TPRG1: variants seen among roughly 807,000 people sequenced by gnomAD.
TPRG1 encodes the protein tumor protein p63 regulated 1.
A neutral mutation model predicts 29.3 loss-of-function variants in TPRG1; 29 were observed. The observed-to-expected ratio is 0.99, with a 90% CI of 0.74 to 1.35. The LOEUF (loss-of-function observed/expected upper bound fraction) is 1.35. Ranked by LOEUF, TPRG1 falls within the 40% of genes most tolerant of loss-of-function variation. TPRG1 has a pLI of 0.00. For missense variants in TPRG1, 327 were observed against 335.0 expected (o/e 0.98, Z 0.19); for synonymous variants, 130 against 116.8 (o/e 1.11, Z -0.73).
At chr3:189,019,329 T>C (rs1713152179) in intron 3 of TPRG1, among the ~76,000 whole-genome samples, 1 of 152,172 alleles carries the variant, frequency 6.6e-6, no homozygotes, top group South Asian at 2.1e-4. Flanking sequence ...AGGGAATGCT[T>C]CCAGTTTTTG....
At chr3:189,194,917 G>T (rs1156443996) in intron 1 of TPRG1, among the ~76,000 whole-genome samples, 1 of 152,116 alleles carries the variant, frequency 6.6e-6, no homozygotes, top group Non-Finnish European at 1.5e-5. Context: ...GAAGAGGGGT[G>T]TCTCAGCAGC....
intron 1 of TPRG1, among the ~76,000 whole-genome samples, chr3:189,179,394 G>C (rs901643682): frequency 1.3e-5 from 2 of 152,150 alleles, no homozygotes; most frequent in Non-Finnish European, 2.9e-5. Context: ...ACTTCCTAGA[G>C]TGACATATAA....
chr3:189,171,182 T>A (rs1728772235), upstream of TPRG1, among the ~76,000 whole-genome samples: 1 of 152,236 alleles, frequency 6.6e-6, no homozygotes, highest in Non-Finnish European at 1.5e-5. Flanking sequence ...TCAAATCTTA[T>A]CCTAGGTTTA....
intron 1 of TPRG1, among the ~76,000 whole-genome samples, chr3:189,180,149 C>T (rs1055434636): frequency 2.6e-5 from 4 of 152,036 alleles, no homozygotes; most frequent in Admixed American, 1.3e-4. Flanking sequence ...AAAGAGTTGC[C>T]CCATGATTCA....
intron 3 of TPRG1, among the ~76,000 whole-genome samples, chr3:189,136,646 C>T (rs1723780646): frequency 6.6e-6 from 1 of 152,134 alleles, no homozygotes; most frequent in Non-Finnish European, 1.5e-5. Context: ...GGCAAGAAAA[C>T]AGCTAGGTCT....
chr3:189,042,200 A>G (rs1023689493), intron 4 of TPRG1, among the ~76,000 whole-genome samples: 1 of 152,230 alleles, frequency 6.6e-6, no homozygotes, highest in Non-Finnish European at 1.5e-5. Flanking sequence ...TTAAAAAGTC[A>G]AAGAAAGATA....
At chr3:189,018,612 C>A (rs1175452495) in intron 3 of TPRG1, among the ~76,000 whole-genome samples, 2 of 147,096 alleles carry the variant, frequency 1.4e-5, no homozygotes, top group Non-Finnish European at 3.0e-5. Flanking sequence ...GTACCAGTAC[C>A]ATGCTGTTTT....
chr3:189,286,134 T>C (rs1718022355), intron 4 of TPRG1, among the ~76,000 whole-genome samples: 1 of 152,060 alleles, frequency 6.6e-6, no homozygotes, highest in Non-Finnish European at 1.5e-5. Context: ...GTTTCAGCCT[T>C]AAATTTGCTG....
chr3:189,190,762 A>G (rs1328510258), intron 1 of TPRG1, among the ~76,000 whole-genome samples: 1 of 152,224 alleles, frequency 6.6e-6, no homozygotes, highest in Non-Finnish European at 1.5e-5. Flanking sequence ...GTATGATTAC[A>G]ACATACATGT....
chr3:189,287,561 C>G (rs1718282140), intron 4 of TPRG1, among the ~76,000 whole-genome samples: 1 of 152,030 alleles, frequency 6.6e-6, no homozygotes, highest in African/African-American at 2.4e-5. Flanking sequence ...CCACACCTGG[C>G]TAATTTTTTG....
rs12638731 is a variant in TPRG1, at chr3:189,305,270, G to A, written c.480-5116G>A. ...TCTCTCTGAAGAAAGAAGAATGCAC[G>A]GAATGAGTATATTAACTCAGACTGA... is the stretch of plus-strand genomic sequence containing the variant. On this transcript the variant is annotated intron_variant, in intron 4 of 5. Transcript: ENST00000345063. 1.3e-3 allele frequency among the ~76,000 whole-genome samples: 204 copies of A among 152,246 alleles called. 1 individual carries two copies. In the East Asian group the frequency reaches 0.028, roughly 21 times the overall value.
intron 4 of TPRG1, among the ~76,000 whole-genome samples, chr3:189,040,401 G>A (rs1041934430): frequency 6.6e-6 from 1 of 152,146 alleles, no homozygotes; most frequent in Non-Finnish European, 1.5e-5. Context: ...TTGCCAAAAT[G>A]TTTGTTTCCC....
chr3:189,054,326 C>A (rs188539034), intron 4 of TPRG1, among the ~76,000 whole-genome samples: 81 of 151,752 alleles, frequency 5.3e-4, no homozygotes, highest in Non-Finnish European at 6.6e-4. Context: ...GTTTGTGGCA[C>A]CCCAAAACAA....
Position 189,321,139 on chromosome 3 carries a change from A to T in TPRG1, c.*319A>T. On this transcript the variant is annotated 3_prime_UTR_variant, in exon 6 of 6. Transcript: ENST00000345063. ...AAGTCCTGTTGCTTCAGCTCTCTAA[A>T]TGTAGGCTTTTTTTTTTTTTTTTTT... The T allele has an allele frequency of 5.4e-6, 1 of 184,422 alleles. No homozygotes were observed. 11.4% of individuals were successfully genotyped at this position (184,422 alleles called of 1,614,324 possible).
intron 4 of TPRG1, among the ~76,000 whole-genome samples, chr3:189,148,931 G>A: frequency 6.6e-6 from 1 of 152,170 alleles, no homozygotes; most frequent in African/African-American, 2.4e-5. Context: ...ATGCCTTTGG[G>A]TAATGCCTAA....
chr3:189,114,111 G>A (rs1720895662), intron 1 of TPRG1, among the ~76,000 whole-genome samples: 1 of 152,024 alleles, frequency 6.6e-6, no homozygotes, highest in Non-Finnish European at 1.5e-5. Flanking sequence ...TATTACATGA[G>A]GGAGCTTCTA....
chr3:189,183,142 G>A (rs1310934806), intron 1 of TPRG1, among the ~76,000 whole-genome samples: 2 of 152,154 alleles, frequency 1.3e-5, no homozygotes, highest in African/African-American at 4.8e-5. Context: ...GAGAAATAAA[G>A]GGACAGAGTA....
At chr3:189,038,080 G>T (rs1473652114) in intron 4 of TPRG1, among the ~76,000 whole-genome samples, 1 of 151,496 alleles carries the variant, frequency 6.6e-6, no homozygotes, top group Non-Finnish European at 1.5e-5. Context: ...AAAAACAAAA[G>T]TCCATAAGTA....
At chr3:189,153,340 A>G (rs546568231) in intron 5 of TPRG1, among the ~76,000 whole-genome samples, 2 of 152,334 alleles carry the variant, frequency 1.3e-5, no homozygotes, top group African/African-American at 4.8e-5. Context: ...TATTGAGTTT[A>G]CACTCTTAAA....
Sources: allele counts gnomAD v4.1 joint callset (sites outside exome capture counted in the v4.1 genomes callset), GRCh38; gene constraint gnomAD v4.1.1; transcripts MANE v1.5; gene names NCBI Gene and HGNC (gene_info 2026-07-23, HGNC 2026-07-21).